The following SLC1A5 variants were observed in gnomAD, a reference collection of about 807,000 sequenced individuals.
SLC1A5 encodes neutral amino acid transporter B(0).
A neutral mutation model predicts 34.9 loss-of-function variants in SLC1A5; 25 were observed. The ratio of observed to expected loss-of-function variants is 0.72; its 90% CI spans 0.52 to 1.00. SLC1A5 has a LOEUF of 1.00. Ranked by LOEUF, SLC1A5 falls within the 50% of genes least tolerant of loss-of-function variation. The pLI is 0.00. For synonymous variants in SLC1A5, 351 were observed against 341.2 expected, an observed-to-expected ratio of 1.03 and a Z score of -0.32; for missense variants, 637 against 740.0, an observed-to-expected ratio of 0.86 and a Z score of 1.61.
intron 3 of SLC1A5, among the ~76,000 whole-genome samples, chr19:46,783,832 G>A (rs970785406): frequency 2.0e-5 from 3 of 151,964 alleles, no homozygotes; most frequent in African/African-American, 7.3e-5. Context: ...AGTTTGAGCA[G>A]GTTGAGGGTG....
In SLC1A5 at chr19:46,787,924, C is replaced by T. The variant is rs1186359888; in HGVS notation, c.42G>A (p.Ala14=). The T allele has an allele frequency of 6.3e-7, 1 of 1,577,312 alleles. No homozygotes were observed. The highest frequency in any genetic ancestry group is 1.8e-5 in the Admixed American group (1 of 54,156). ...GGCCCCCGTTGGCGGTGGGCTCCGC[C>T]GCTGCGAGCCCCTTGGAGTCTCGAG... The part of the protein sequence containing the change: ...DPPRDSKGLA[A]AEPTANGGLA... The change falls in exon 1 of 8, where the codon GCG becomes GCA. Residue 14 remains alanine, a synonymous_variant. Coordinates refer to ENST00000542575, the MANE Select transcript of SLC1A5 (RefSeq NM_005628.3). The surrounding 1 kb of genome is among the most constrained non-coding windows in gnomAD (Gnocchi z 5.2).
rs532346811 is a variant in SLC1A5 at position 46,775,548 on chromosome 19, C to G, written c.1588G>C (p.Asp530His). Residue 530 changes from aspartate (D) to histidine (H), a missense_variant, in exon 8 of 8, where the codon GAT becomes CAT. By Grantham distance (81) the Asp-to-His change is moderately conservative. Transcript: ENST00000542575. ...TCCTTCTCAGAGGCGACCGTGGCAT[C>G]CCCTGCGGGCCCCCGATAGTGTTTG... is the stretch of plus-strand genomic sequence containing the variant. Reference protein sequence around the residue: ...LLKHYRGPAGDATVASEKESV... With the variant: ...LLKHYRGPAGHATVASEKESV... The G allele has an allele frequency of 6.2e-7, 1 of 1,613,754 alleles. No homozygotes were observed. The highest frequency in any genetic ancestry group is 8.5e-7 in the Non-Finnish European group (1 of 1,179,770).
rs73566928 is a variant in SLC1A5 at position 46,775,228 on chromosome 19, C to T, written c.*282G>A. 11,831 of 1,122,508 alleles carry T rather than the reference C, an allele frequency of 0.011. 802 individuals are homozygous for T. In the African/African-American group the frequency reaches 0.16, roughly 15 times the overall value. The allele number at this position is 1,122,508 out of a possible 1,614,324, so 69.5% of individuals were successfully genotyped here. On this transcript the variant is annotated 3_prime_UTR_variant, in exon 8 of 8. Transcript: ENST00000542575. The stretch of plus-strand genomic sequence containing the variant: ...GAGACAGGGGAGGCCAGGCAGGTCA[C>T]GGTGGGGACGCAGCAGAACATTATT...
chr19:46,787,255 G>A lies in SLC1A5; in HGVS notation c.566+145C>T. 1 of 1,447,514 alleles carries A rather than the reference G, an allele frequency of 6.9e-7. No individual in the cohort carries two copies. Among genetic ancestry groups the A allele is most frequent in the Non-Finnish European group, 9.1e-7 (1 of 1,100,418 alleles). The allele number at this position is 1,447,514 out of a possible 1,614,324, so 89.7% of individuals were successfully genotyped here. ...TAGACTCACACTCCCGAGGGCTGGA[G>A]CCTCCCCTCAATATCCTGTCGAGTT... On this transcript the variant is annotated intron_variant, in intron 1 of 7. Coordinates refer to ENST00000542575, the MANE Select transcript of SLC1A5 (RefSeq NM_005628.3). The surrounding 1 kb of genome is among the most constrained non-coding windows in gnomAD (Gnocchi z 5.2).
intron 3 of SLC1A5, among the ~76,000 whole-genome samples, chr19:46,783,718 T>G (rs1321743940): frequency 1.3e-5 from 2 of 151,826 alleles, no homozygotes; most frequent in African/African-American, 4.8e-5. Context: ...GCCCAGGAGG[T>G]GGAGACTGCA....
chr19:46,787,450 G>T lies in SLC1A5; in HGVS notation c.516C>A (p.Ala172=). The T allele has an allele frequency of 1.2e-6, 2 of 1,600,520 alleles. No individual in the cohort carries two copies. Among genetic ancestry groups the T allele is most frequent in the Non-Finnish European group, 8.5e-7 (1 of 1,174,540 alleles). ...INASVGAAGS[A]ENAPSKEVLD... ...GCACCTCCTTGCTGGGGGCATTTTCGGCACTGCCCGCGGCTCCCACGGAGG... is the reference window on the plus strand; with the variant it reads ...GCACCTCCTTGCTGGGGGCATTTTCTGCACTGCCCGCGGCTCCCACGGAGG... Residue 172 remains alanine, a synonymous_variant, in exon 1 of 8, where the codon GCC becomes GCA. Coordinates refer to ENST00000542575, the MANE Select transcript of SLC1A5 (RefSeq NM_005628.3). The surrounding 1 kb of genome is among the most constrained non-coding windows in gnomAD (Gnocchi z 5.2).
intron 1 of SLC1A5, among the ~76,000 whole-genome samples, chr19:46,786,192 T>A (rs1036604314): frequency 4.6e-5 from 7 of 151,636 alleles, no homozygotes; most frequent in Admixed American, 1.3e-4. Context: ...GCTACAGGGG[T>A]CTTAGTACAC....
In SLC1A5 at chr19:46,778,905, G is replaced by A. The variant is rs2070246; in HGVS notation, c.828C>T (p.Tyr276=). 0.23 allele frequency: 358,906 copies of A among 1,557,940 alleles called. 45,213 individuals carry two copies. The highest frequency in any genetic ancestry group is 0.44 in the African/African-American group (32,403 of 73,642). Residue 276 remains tyrosine, a synonymous_variant, in exon 5 of 8, where the codon TAC becomes TAT. Transcript: ENST00000542575. ...TMVLVSWIMW[Y]APVGIMFLVA... Reference sequence around the variant, plus strand: ...CCAGGAACATGATGCCCACAGGGGCGTACCTGATCAGTAACACAGGAGACA... The same window carrying A: ...CCAGGAACATGATGCCCACAGGGGCATACCTGATCAGTAACACAGGAGACA...
In SLC1A5 at chr19:46,777,304, A is replaced by C; in HGVS notation, c.1160T>G (p.Met387Arg). 1 of 1,613,866 alleles carries C rather than the reference A, an allele frequency of 6.2e-7. No individual in the cohort carries two copies. The highest frequency in any genetic ancestry group is 8.5e-7 in the Non-Finnish European group (1 of 1,179,992). The change falls in exon 6 of 8, where the codon ATG becomes AGG. Residue 387 changes from methionine (M) to arginine (R), a missense_variant. Met to Arg is a moderately conservative substitution (Grantham distance 91, BLOSUM62 -1). Coordinates refer to ENST00000542575, the MANE Select transcript of SLC1A5 (RefSeq NM_005628.3). Reference sequence around the variant, plus strand: ...GCACTGGAAGAGCGCGGCACCGTCCATGTTGACGGTGGCGCCGATGGGCAG... The same window carrying C: ...GCACTGGAAGAGCGCGGCACCGTCCCTGTTGACGGTGGCGCCGATGGGCAG... ...FILPIGATVN[M>R]DGAALFQCVA...
intron 4 of SLC1A5, among the ~76,000 whole-genome samples, chr19:46,780,875 G>C (rs750058991): frequency 6.6e-6 from 1 of 152,132 alleles, no homozygotes; most frequent in African/African-American, 2.4e-5. Flanking sequence ...GGAGGCTGAG[G>C]CAGGAGAATC....
intron 2 of SLC1A5, 102 bp downstream of exon 2, chr19:46,784,415 C>T: frequency 7.7e-7 from 1 of 1,305,078 alleles, no homozygotes; most frequent in Non-Finnish European, 1.1e-6. Flanking sequence ...CATTGACATG[C>T]ATTTTTCCAG....
At position 46,775,687 on chromosome 19, in the gene SLC1A5, T is replaced by C; in HGVS notation, c.1449A>G (p.Gln483=). ...EGDALGAGLL[Q]NYVDRTESRS... ...TCGACTCCGTACGGTCCACGTAATT[T>C]TGGAGGAGTCCTGCCCCCAGAGCGT... Residue 483 remains glutamine (Q), a synonymous_variant, in exon 8 of 8, where the codon CAA becomes CAG. Transcript: ENST00000542575. 1 of 1,614,004 alleles carries C rather than the reference T, an allele frequency of 6.2e-7. No individual in the cohort carries two copies. The highest frequency in any genetic ancestry group is 8.5e-7 in the Non-Finnish European group (1 of 1,179,970).
intron 4 of SLC1A5, 41 bp downstream of exon 4, chr19:46,782,342 T>TACCACCCCCCCCCCCCCCCCCCACC: frequency 1.9e-6 from 1 of 523,372 alleles, no homozygotes; most frequent in Non-Finnish European, 3.5e-6. Flanking sequence ...AGACCGACCC[T>TACCACCCCCCCCCCCCCCCCCCACC]CCAACCCCAC....
chr19:46,787,229 C>T lies in SLC1A5; in HGVS notation c.566+171G>A. 7.0e-7 allele frequency: 1 copy of T among 1,434,438 alleles called. No individual in the cohort carries two copies. Among genetic ancestry groups the T allele is most frequent in the Non-Finnish European group, 9.1e-7 (1 of 1,095,966 alleles). 88.9% of individuals were successfully genotyped at this position (1,434,438 alleles called of 1,614,324 possible). Reference sequence around the variant, plus strand: ...ATTTAGAAACCCCTTCCCCAGGAGACTAGACTCACACTCCCGAGGGCTGGA... The same window carrying T: ...ATTTAGAAACCCCTTCCCCAGGAGATTAGACTCACACTCCCGAGGGCTGGA... On this transcript the variant is annotated intron_variant, in intron 1 of 7. Coordinates refer to ENST00000542575, the MANE Select transcript of SLC1A5 (RefSeq NM_005628.3). The surrounding 1 kb of genome is among the most constrained non-coding windows in gnomAD (Gnocchi z 5.2).
intron 1 of SLC1A5, among the ~76,000 whole-genome samples, chr19:46,786,777 G>A (rs994573669): frequency 6.6e-6 from 1 of 152,216 alleles, no homozygotes; most frequent in African/African-American, 2.4e-5. Context: ...CCTGCTAGGG[G>A]GTGGCCCAGA....
rs1300916501 is a variant in SLC1A5 at position 46,788,031 on chromosome 19, G to C, written c.-66C>G. ...TGGGAGCGCTTGGGCTCCTTCCCAG[G>C]ACCCGACGTTCCTAGGACTGAGTTG... On this transcript the variant is annotated 5_prime_UTR_variant, in exon 1 of 8. Transcript: ENST00000542575. 2.8e-6 allele frequency: 4 copies of C among 1,432,150 alleles called. No homozygotes were observed. In the South Asian group the frequency reaches 5.8e-5, roughly 21 times the overall value. 88.7% of individuals were successfully genotyped at this position (1,432,150 alleles called of 1,614,324 possible). A position where few individuals can be genotyped will look rare whatever the true frequency, so the allele number is the denominator to read the frequency against.
Position 46,782,432 on chromosome 19 carries a change from A to G in SLC1A5, c.775T>C (p.Phe259Leu). 1 of 1,599,560 alleles carries G rather than the reference A, an allele frequency of 6.3e-7. No individual in the cohort carries two copies. The highest frequency in any genetic ancestry group is 2.3e-5 in the East Asian group (1 of 43,886). ...ATGGTGGCCTCATTGAAGGAGTTGAAGAAGCGGATAAGCAGCTCCCCTTCA... is the reference window on the plus strand; with the variant it reads ...ATGGTGGCCTCATTGAAGGAGTTGAGGAAGCGGATAAGCAGCTCCCCTTCA... ...GPEGELLIRFFNSFNEATMVL... is the reference protein window; with the variant it reads ...GPEGELLIRFLNSFNEATMVL... Residue 259 changes from phenylalanine to leucine, a missense_variant, in exon 4 of 8, where the codon TTC becomes CTC. Physicochemically the swap from Phe to Leu is conservative, Grantham distance 22. Transcript: ENST00000542575.
rs55753437 is a variant in SLC1A5, at chr19:46,775,052, AACACACAC to A, written c.*450_*457del. 174,967 of 962,670 alleles carry A rather than the reference AACACACAC, an allele frequency of 0.18. 4,007 individuals carry two copies. The highest frequency in any genetic ancestry group is 0.33 in the Admixed American group (5,116 of 15,722). 59.6% of individuals were successfully genotyped at this position (962,670 alleles called of 1,614,324 possible). ...GTACCATGGGGACAGGAGGTCACAG[AACACACAC>A]ACACACACACACACACACACACACA... On this transcript the variant is annotated 3_prime_UTR_variant, in exon 8 of 8. Transcript: ENST00000542575.
rs531191076 is a variant in SLC1A5, at chr19:46,778,575, C to T, written c.1058+100G>A. 42 of 790,048 alleles carry T rather than the reference C, an allele frequency of 5.3e-5. No individual in the cohort carries two copies. The South Asian group carries it at 6.9e-4, about 13-fold the overall frequency. The allele number at this position is 790,048 out of a possible 1,614,324, so 48.9% of individuals were successfully genotyped here. ...TTATGAGAATCTCCTGAAGTATGGC[C>T]CCTGTACCCAGATACAATGTCCCGG... On this transcript the variant is annotated intron_variant, in intron 5 of 7. Coordinates refer to ENST00000542575, the MANE Select transcript of SLC1A5 (RefSeq NM_005628.3).
Sources: allele counts gnomAD v4.1 joint callset (sites outside exome capture counted in the v4.1 genomes callset), GRCh38; gene constraint gnomAD v4.1.1; non-coding constraint Gnocchi (gnomAD v3.1); transcripts MANE v1.5; gene names NCBI Gene and HGNC (gene_info 2026-07-23, HGNC 2026-07-21).